PRKCA: variants seen among roughly 807,000 people sequenced by gnomAD.
PRKCA encodes protein kinase C alpha.
A neutral mutation model predicts 87.0 loss-of-function variants in PRKCA; 27 were observed. The ratio of observed to expected loss-of-function variants is 0.31; its 90% CI spans 0.23 to 0.43. The LOEUF (loss-of-function observed/expected upper bound fraction) is 0.43, where lower values mean the gene tolerates loss of function less well. PRKCA is among the 20% of genes least tolerant of loss of function. The pLI, the probability that PRKCA is intolerant of heterozygous loss-of-function variation, is 1.00. For missense variants in PRKCA, 518 were observed against 852.3 expected (o/e 0.61, Z 4.88); for synonymous variants, 329 against 311.1 (o/e 1.06, Z -0.61).
At chr17:66,526,705 T>C (rs1967358402) in intron 3 of PRKCA, among the ~76,000 whole-genome samples, 1 of 152,096 alleles carries the variant, frequency 6.6e-6, no homozygotes, top group Admixed American at 6.5e-5. Context: ...ACTGTATCTT[T>C]AGGGGAGGAA....
intron 8 of PRKCA, among the ~76,000 whole-genome samples, chr17:66,723,041 G>A (rs1240417245): frequency 6.6e-6 from 1 of 152,210 alleles, no homozygotes; most frequent in African/African-American, 2.4e-5. Flanking sequence ...CTAGAGCCAA[G>A]ACCCATTGCC....
chr17:66,327,008 A>G (rs1332468228), intron 2 of PRKCA, among the ~76,000 whole-genome samples: 1 of 152,070 alleles, frequency 6.6e-6, no homozygotes, highest in Non-Finnish European at 1.5e-5. Flanking sequence ...GTTGAAGGCT[A>G]TAGTGAGCTA....
intron 2 of PRKCA, among the ~76,000 whole-genome samples, chr17:66,441,689 G>C (rs542023639): frequency 3.9e-5 from 6 of 152,086 alleles, no homozygotes; most frequent in Non-Finnish European, 5.9e-5. Context: ...GCTGCTGTGC[G>C]GTTTTTTCAA....
At chr17:66,549,836 C>G (rs1968272593) in intron 3 of PRKCA, among the ~76,000 whole-genome samples, 1 of 152,070 alleles carries the variant, frequency 6.6e-6, no homozygotes, top group Non-Finnish European at 1.5e-5. Flanking sequence ...GGGTGTGTTT[C>G]TTAATTGTGA....
intron 3 of PRKCA, among the ~76,000 whole-genome samples, chr17:66,557,997 C>T (rs1968555884): frequency 1.3e-5 from 2 of 152,210 alleles, no homozygotes. Context: ...TTGCTGACAT[C>T]TAGGGAGCCT....
At chr17:66,500,557 A>C (rs1321713778) in intron 3 of PRKCA, among the ~76,000 whole-genome samples, 1 of 152,238 alleles carries the variant, frequency 6.6e-6, no homozygotes, top group African/African-American at 2.4e-5. Context: ...ATGAGGAGAC[A>C]ACTAAGGCAA....
intron 3 of PRKCA, among the ~76,000 whole-genome samples, chr17:66,615,717 TC>T (rs1454057931): frequency 6.6e-6 from 1 of 152,128 alleles, no homozygotes; most frequent in African/African-American, 2.4e-5. Context: ...AACCAGCACA[TC>T]CCTGTGCAGT....
chr17:66,386,275 A>G (rs184121023), intron 2 of PRKCA, among the ~76,000 whole-genome samples: 113 of 152,266 alleles, frequency 7.4e-4, no homozygotes, highest in Non-Finnish European at 1.0e-3. Flanking sequence ...TTATTTTGCA[A>G]TTGTTCAGTA....
intron 3 of PRKCA, among the ~76,000 whole-genome samples, chr17:66,596,783 A>G (rs1969994462): frequency 1.4e-5 from 1 of 73,216 alleles, no homozygotes; most frequent in Admixed American, 1.5e-4. Flanking sequence ...TCCTGTGTCC[A>G]TGTGATCTCA....
chr17:66,807,649 A>G lies in PRKCA; in HGVS notation c.*3612A>G, dbSNP rs1598025699. 1 of 152,298 alleles carries G rather than the reference A, an allele frequency of 6.6e-6. No individual in the cohort carries two copies. The highest frequency in any genetic ancestry group is 1.9e-4 in the East Asian group (1 of 5,180). 9.4% of individuals were successfully genotyped at this position (152,298 alleles called of 1,614,324 possible). On this transcript the variant is annotated 3_prime_UTR_variant, in exon 17 of 17. Transcript: ENST00000413366. The surrounding 1 kb of genome is among the most constrained non-coding windows in gnomAD (Gnocchi z 4.3). ...TTCTTACTCAGAATTTTGATAGAAA[A>G]CCATGGGGCCAAGAGCTCTGGAAGC...
chr17:66,748,085 A>G lies in PRKCA; in HGVS notation c.1524+5325A>G, dbSNP rs369456917. Among the ~76,000 whole-genome samples the G allele has an allele frequency of 2.3e-4, 35 of 152,298 alleles. No homozygotes were observed. The South Asian group carries it at 7.1e-3, about 31-fold the overall frequency. ...CAGATGGTGCATCCAACACGGTTGA[A>G]ATTTCCAGGGAAGAAGCTTGCAGAC... On this transcript the variant is annotated intron_variant, in intron 13 of 16. Coordinates refer to ENST00000413366, the MANE Select transcript of PRKCA (RefSeq NM_002737.3).
intron 8 of PRKCA, among the ~76,000 whole-genome samples, chr17:66,699,858 T>C (rs1295630170): frequency 6.6e-6 from 1 of 152,260 alleles, no homozygotes; most frequent in Admixed American, 6.5e-5. Context: ...TGGGCCACTG[T>C]GCCCAGACTC....
Position 66,511,098 on chromosome 17 carries a change from C to T in PRKCA, c.288+14815C>T, listed in dbSNP as rs183681628. 1.4e-3 allele frequency among the ~76,000 whole-genome samples: 218 copies of T among 152,104 alleles called. 3 individuals are homozygous for T. Among genetic ancestry groups the T allele is most frequent in the Admixed American group, 9.6e-3 (146 of 15,284 alleles). The stretch of plus-strand genomic sequence containing the variant: ...TCATAAAACATGCCTGTGATGAATG[C>T]CTTTAGGAAAGCAGTACGCCTATTG... On this transcript the variant is annotated intron_variant, in intron 3 of 16. Transcript: ENST00000413366.
intron 3 of PRKCA, among the ~76,000 whole-genome samples, chr17:66,621,601 T>G (rs1222332189): frequency 6.6e-6 from 1 of 152,096 alleles, no homozygotes; most frequent in Non-Finnish European, 1.5e-5. Flanking sequence ...GTAGTGGGAG[T>G]TAAGAGGAAG....
intron 3 of PRKCA, among the ~76,000 whole-genome samples, chr17:66,596,589 T>A (rs1969986677): frequency 6.8e-6 from 1 of 147,712 alleles, no homozygotes; most frequent in African/African-American, 2.5e-5. Flanking sequence ...TTTTTTTTTT[T>A]TTTATTATAC....
chr17:66,614,176 A>G (rs1462925586), intron 3 of PRKCA, among the ~76,000 whole-genome samples: 2 of 152,122 alleles, frequency 1.3e-5, no homozygotes, highest in African/African-American at 4.8e-5. Flanking sequence ...CTGGACGTGA[A>G]GTGGAGGGGC....
intron 2 of PRKCA, among the ~76,000 whole-genome samples, chr17:66,490,754 T>C (rs1487986054): frequency 1.3e-5 from 2 of 152,186 alleles, no homozygotes; most frequent in Non-Finnish European, 2.9e-5. Context: ...CTAATTTTTG[T>C]ATTTTTAGTA....
At chr17:66,334,472 G>C (rs1906538176) in intron 2 of PRKCA, among the ~76,000 whole-genome samples, 1 of 152,064 alleles carries the variant, frequency 6.6e-6, no homozygotes, top group Non-Finnish European at 1.5e-5. Flanking sequence ...CAAAGGACTT[G>C]AACAGACATT....
chr17:66,577,882 C>T (rs773798392), intron 3 of PRKCA, among the ~76,000 whole-genome samples: 8 of 151,944 alleles, frequency 5.3e-5, no homozygotes, highest in Non-Finnish European at 1.2e-4. Flanking sequence ...TTCCCAGATG[C>T]TGCATAAGTC....
Sources: allele counts gnomAD v4.1 joint callset (sites outside exome capture counted in the v4.1 genomes callset), GRCh38; gene constraint gnomAD v4.1.1; non-coding constraint Gnocchi (gnomAD v3.1); transcripts MANE v1.5; gene names NCBI Gene and HGNC (gene_info 2026-07-23, HGNC 2026-07-21).